RGS6: variants seen among roughly 807,000 people sequenced by gnomAD.
RGS6 encodes the protein regulator of G protein signaling 6.
In RGS6, 30 loss-of-function variants were observed where a neutral mutation model predicts 78.5. The observed-to-expected ratio is 0.38, with a 90% CI of 0.29 to 0.52. RGS6 has a LOEUF of 0.52. Ranked by LOEUF, RGS6 falls within the 20% of genes least tolerant of loss-of-function variation. The pLI is 0.85. For missense variants in RGS6, 495 were observed against 609.7 expected (o/e 0.81, Z 1.98); for synonymous variants, 206 against 206.0 (o/e 1.00, Z 0.00).
chr14:72,133,040 G>A (rs1234193638), intron 2 of RGS6, among the ~76,000 whole-genome samples: 1 of 152,154 alleles, frequency 6.6e-6, no homozygotes, highest in Admixed American at 6.5e-5. Context: ...GCACTGGGAT[G>A]ACTTCCTCCA....
chr14:72,423,582 A>G (rs376981513), intron 3 of RGS6, among the ~76,000 whole-genome samples: 1 of 151,806 alleles, frequency 6.6e-6, no homozygotes, highest in Non-Finnish European at 1.5e-5. Context: ...ACAAAACTCA[A>G]TACTATGTGT....
At chr14:72,509,038 G>C (rs1333784993) in intron 13 of RGS6, among the ~76,000 whole-genome samples, 2 of 152,188 alleles carry the variant, frequency 1.3e-5, no homozygotes, top group Non-Finnish European at 2.9e-5. Context: ...ATGTGAGACA[G>C]CATAGCAAAG....
intron 2 of RGS6, among the ~76,000 whole-genome samples, chr14:72,093,257 A>T (rs567145016): frequency 1.3e-5 from 2 of 152,034 alleles, no homozygotes; most frequent in East Asian, 3.9e-4. Context: ...ATTTTATTTT[A>T]TCGAGACAGG....
intron 2 of RGS6, among the ~76,000 whole-genome samples, chr14:71,988,402 C>T (rs964529525): frequency 1.3e-5 from 2 of 152,088 alleles, no homozygotes; most frequent in Non-Finnish European, 2.9e-5. Context: ...TCCCTTGAGC[C>T]TCAGGATGGT....
intron 2 of RGS6, among the ~76,000 whole-genome samples, chr14:72,222,853 T>C (rs959950830): frequency 2.4e-4 from 37 of 152,234 alleles, no homozygotes; most frequent in Non-Finnish European, 8.8e-5. Context: ...ATCACTTCAA[T>C]TGAACGGCCT....
At chr14:72,497,255 A>G (rs1478439342) in intron 13 of RGS6, among the ~76,000 whole-genome samples, 1 of 152,136 alleles carries the variant, frequency 6.6e-6, no homozygotes, top group Non-Finnish European at 1.5e-5. Context: ...AGCATCATCA[A>G]TCATTTTGTC....
intron 2 of RGS6, among the ~76,000 whole-genome samples, chr14:72,261,743 G>A (rs926479704): frequency 6.6e-6 from 1 of 152,060 alleles, no homozygotes; most frequent in African/African-American, 2.4e-5. Flanking sequence ...TTTTTGGGGG[G>A]GTTTGGTGCT....
intron 1 of RGS6, among the ~76,000 whole-genome samples, chr14:71,943,676 G>T (rs1009849230): frequency 1.3e-5 from 2 of 152,202 alleles, no homozygotes; most frequent in African/African-American, 4.8e-5. Context: ...TCACCAGCAG[G>T]AAGAGAAGTG....
At chr14:72,237,668 C>A (rs193003925) in intron 2 of RGS6, among the ~76,000 whole-genome samples, 4 of 152,082 alleles carry the variant, frequency 2.6e-5, no homozygotes, top group African/African-American at 4.8e-5. Flanking sequence ...TCCCTTGACC[C>A]CTTTGCAGGA....
chr14:72,510,091 G>C, intron 13 of RGS6, 63 bp from the exon 14 acceptor site: 6 of 1,518,336 alleles, frequency 4.0e-6, no homozygotes, highest in East Asian at 2.3e-5. Flanking sequence ...TCACTGAAGA[G>C]AATATGACAC....
intron 2 of RGS6, among the ~76,000 whole-genome samples, chr14:72,285,312 G>A (rs566782309): frequency 9.9e-5 from 15 of 152,268 alleles, no homozygotes; most frequent in African/African-American, 3.6e-4. Flanking sequence ...CCCACATGTT[G>A]TGGGAAGGAC....
intron 2 of RGS6, among the ~76,000 whole-genome samples, chr14:72,025,709 C>T (rs1200565274): frequency 6.6e-6 from 1 of 152,164 alleles, no homozygotes; most frequent in African/African-American, 2.4e-5. Context: ...TTGACACTTA[C>T]ATGTTAGGAA....
chr14:72,119,525 T>C (rs1193507610), intron 2 of RGS6, among the ~76,000 whole-genome samples: 1 of 152,236 alleles, frequency 6.6e-6, no homozygotes, highest in Admixed American at 6.5e-5. Context: ...AGTTTTATTC[T>C]TTCTGTGAAC....
At chr14:72,541,348 C>T in intron 17 of RGS6, 2 of 1,349,502 alleles carry the variant, frequency 1.5e-6, no homozygotes, top group Non-Finnish European at 2.0e-6. Context: ...TAAACATTAT[C>T]TTGAATTTGC....
intron 17 of RGS6, 77 bp downstream of exon 17, chr14:72,540,171 T>TTC (rs1567085390): frequency 6.9e-6 from 10 of 1,458,314 alleles, no homozygotes; most frequent in African/African-American, 2.8e-5. Context: ...TTTTTTTTTT[T>TTC]CCCTTTGGTT....
intron 2 of RGS6, among the ~76,000 whole-genome samples, chr14:72,186,360 C>T (rs1163326906): frequency 6.6e-6 from 1 of 152,218 alleles, no homozygotes; most frequent in Non-Finnish European, 1.5e-5. Flanking sequence ...CCACCAAGCA[C>T]CTTAACAGGA....
At chr14:71,893,347 A>T in the RGS6 span, among the ~76,000 whole-genome samples, 1 of 152,312 alleles carries the variant, frequency 6.6e-6, no homozygotes, top group East Asian at 1.9e-4. Flanking sequence ...GGATATAAGG[A>T]TTCTGCAGGG....
At chr14:72,597,681 G>A in the RGS6 span, among the ~76,000 whole-genome samples, 2 of 152,238 alleles carry the variant, frequency 1.3e-5, no homozygotes, top group Non-Finnish European at 2.9e-5. Flanking sequence ...GATTAGATCA[G>A]GGTAATCCAT....
intron 2 of RGS6, among the ~76,000 whole-genome samples, chr14:72,071,901 A>G (rs2094421127): frequency 6.6e-6 from 1 of 152,248 alleles, no homozygotes; most frequent in Non-Finnish European, 1.5e-5. Context: ...AGGCCACATC[A>G]ACTGCTTTTG....
Sources: allele counts gnomAD v4.1 joint callset (sites outside exome capture counted in the v4.1 genomes callset), GRCh38; gene constraint gnomAD v4.1.1; transcripts MANE v1.5; gene names NCBI Gene and HGNC (gene_info 2026-07-23, HGNC 2026-07-21).